The following SENP7 variants were observed in gnomAD, a reference collection of about 807,000 sequenced individuals.
SENP7 encodes the protein SUMO specific peptidase 7.
In SENP7, 64 loss-of-function variants were observed where a neutral mutation model predicts 141.2. The observed-to-expected ratio is 0.45, with a 90% confidence interval of 0.37 to 0.56. The LOEUF (loss-of-function observed/expected upper bound fraction) is 0.56. Among genes scored for constraint, SENP7 ranks in the 20% least tolerant of loss-of-function variants. SENP7 has a pLI of 0.00. For synonymous variants in SENP7, 382 were observed against 426.4 expected (o/e 0.90, Z 1.28); for missense variants, 1,025 against 1,212.2 (o/e 0.85, Z 2.29).
chr3:101,348,739 C>G (rs2059537040), intron 12 of SENP7, among the ~76,000 whole-genome samples: 1 of 151,952 alleles, frequency 6.6e-6, no homozygotes, highest in South Asian at 2.1e-4. Context: ...GTCTTTCTCC[C>G]TCTTAGGGAG....
chr3:101,432,145 G>A (rs2062204888), intron 4 of SENP7, among the ~76,000 whole-genome samples: 1 of 152,192 alleles, frequency 6.6e-6, no homozygotes, highest in South Asian at 2.1e-4. Flanking sequence ...ATTGTAGGTA[G>A]TCTGGCCATA....
Position 101,324,568 on chromosome 3 carries a change from A to T in SENP7, c.*1375T>A, listed in dbSNP as rs1162309936. Reference sequence around the variant, plus strand: ...CTTTATATGAAATATCCAAACAACAAATATATTTAATAATATAAAGATAGT... The same window carrying T: ...CTTTATATGAAATATCCAAACAACATATATATTTAATAATATAAAGATAGT... On this transcript the variant is annotated 3_prime_UTR_variant, in exon 24 of 24. Coordinates refer to ENST00000394095, the MANE Select transcript of SENP7 (RefSeq NM_020654.5). 6.6e-6 allele frequency: 1 copy of T among 152,014 alleles called. No homozygotes were observed. Among genetic ancestry groups the T allele is most frequent in the East Asian group, 1.9e-4 (1 of 5,196 alleles). 9.4% of individuals were successfully genotyped at this position (152,014 alleles called of 1,614,324 possible). A position where few individuals can be genotyped will look rare whatever the true frequency, so the allele number is the denominator to read the frequency against.
intron 4 of SENP7, among the ~76,000 whole-genome samples, chr3:101,422,568 AG>A (rs2061821959): frequency 1.3e-5 from 2 of 152,238 alleles, no homozygotes; most frequent in African/African-American, 2.4e-5. Flanking sequence ...ATACTTAGGT[AG>A]GCTGGTTCCT....
chr3:101,403,745 T>C (rs769881389), intron 5 of SENP7, among the ~76,000 whole-genome samples: 6 of 152,114 alleles, frequency 3.9e-5, no homozygotes, highest in Non-Finnish European at 8.8e-5. Context: ...AAAATCAATG[T>C]ACAAAAATCA....
chr3:101,421,977 G>C (rs543314897), intron 4 of SENP7, among the ~76,000 whole-genome samples: 1 of 152,074 alleles, frequency 6.6e-6, no homozygotes, highest in African/African-American at 2.4e-5. Flanking sequence ...TTAAAGCAGG[G>C]GTCCCCAGCC....
At chr3:101,401,393 G>A (rs182734640) in intron 5 of SENP7, among the ~76,000 whole-genome samples, 84 of 152,102 alleles carry the variant, frequency 5.5e-4, no homozygotes, top group Middle Eastern at 6.8e-3. Context: ...GCCAGGTGTG[G>A]TGGCAGGCAC....
chr3:101,364,989 C>A lies in SENP7; in HGVS notation c.1321G>T (p.Val441Phe). The A allele has an allele frequency of 6.7e-7, 1 of 1,487,870 alleles. No homozygotes were observed. Among genetic ancestry groups the A allele is most frequent in the South Asian group, 1.5e-5 (1 of 67,184 alleles). 92.2% of individuals were successfully genotyped at this position (1,487,870 alleles called of 1,614,324 possible). ...GGTCCTTCTTCATCACTGGAAACAA[C>A]AACTAAAACGGAAAAGAAAAATGTA... ...NQSLISAEPI[V>F]VSSDEEGPVE... Residue 441 changes from valine (V) to phenylalanine (F), a missense_variant and splice_region_variant, in exon 10 of 24, where the codon GTT (valine) becomes TTT (phenylalanine). Physicochemically the swap from Val to Phe is conservative, Grantham distance 50. Transcript: ENST00000394095.
At chr3:101,433,680 C>T (rs1369669315) in intron 4 of SENP7, among the ~76,000 whole-genome samples, 15 of 152,018 alleles carry the variant, frequency 9.9e-5, no homozygotes, top group Non-Finnish European at 2.2e-4. Flanking sequence ...AAATGGGTCA[C>T]TATATAATGA....
At chr3:101,454,655 T>C (rs2063289133) in intron 4 of SENP7, among the ~76,000 whole-genome samples, 1 of 152,106 alleles carries the variant, frequency 6.6e-6, no homozygotes, top group African/African-American at 2.4e-5. Flanking sequence ...ATAAACACAA[T>C]GTGGTATAAA....
intron 1 of SENP7, among the ~76,000 whole-genome samples, chr3:101,502,910 T>C (rs960766655): frequency 7.0e-6 from 1 of 143,290 alleles, no homozygotes; most frequent in African/African-American, 2.7e-5. Context: ...AGTAAGACCC[T>C]GTCTCAGATT....
At chr3:101,393,363 T>A (rs552464217) in intron 6 of SENP7, among the ~76,000 whole-genome samples, 1 of 152,140 alleles carries the variant, frequency 6.6e-6, no homozygotes, top group Non-Finnish European at 1.5e-5. Flanking sequence ...TTAAAAGCTT[T>A]TGTACAACCA....
intron 18 of SENP7, 143 bp from the exon 19 acceptor site, chr3:101,332,252 G>T: frequency 2.6e-6 from 2 of 771,198 alleles, no homozygotes; most frequent in Non-Finnish European, 4.0e-6. Context: ...ATAATATAGA[G>T]CATACATATC....
At chr3:101,386,892 T>C (rs2060668820) in intron 6 of SENP7, among the ~76,000 whole-genome samples, 3 of 152,228 alleles carry the variant, frequency 2.0e-5, no homozygotes, top group Non-Finnish European at 4.4e-5. Flanking sequence ...AAGTGTCTCC[T>C]ACCTGTTGCA....
At chr3:101,376,652 G>T (rs1484814173) in intron 6 of SENP7, among the ~76,000 whole-genome samples, 1 of 151,864 alleles carries the variant, frequency 6.6e-6, no homozygotes, top group Non-Finnish European at 1.5e-5. Flanking sequence ...GGGGAGCGGG[G>T]AGGGATAGCA....
At chr3:101,328,867 G>A (rs140497720) in intron 20 of SENP7, among the ~76,000 whole-genome samples, 178 bp from the exon 21 acceptor site, 2 of 152,142 alleles carry the variant, frequency 1.3e-5, no homozygotes, top group East Asian at 3.9e-4. Context: ...TAAAACAGTA[G>A]GCTATATACT....
At chr3:101,429,986 C>T (rs1181703989) in intron 4 of SENP7, among the ~76,000 whole-genome samples, 2 of 151,916 alleles carry the variant, frequency 1.3e-5, no homozygotes, top group Non-Finnish European at 2.9e-5. Context: ...TGATGGATTA[C>T]GTTTATTGAT....
intron 3 of SENP7, among the ~76,000 whole-genome samples, chr3:101,462,821 T>C (rs1488402147): frequency 2.0e-5 from 3 of 150,792 alleles, no homozygotes; most frequent in African/African-American, 7.3e-5. Flanking sequence ...TGAGCCGAGA[T>C]CATGCCACTG....
intron 16 of SENP7, among the ~76,000 whole-genome samples, chr3:101,339,577 G>T (rs1281441253): frequency 1.3e-5 from 2 of 152,034 alleles, no homozygotes; most frequent in African/African-American, 4.8e-5. Flanking sequence ...AATTAGCCGG[G>T]CGTGGTGGCG....
At chr3:101,366,861 A>T (rs2060051322) in intron 8 of SENP7, 92 bp from the exon 9 acceptor site, 3 of 728,028 alleles carry the variant, frequency 4.1e-6, no homozygotes, top group East Asian at 2.7e-5. Context: ...AAAATATTAT[A>T]TCACTTCTAT....
Sources: gnomAD v4.1 joint callset for allele counts (sites outside exome capture counted in the v4.1 genomes callset) on GRCh38, gnomAD v4.1.1 for gene constraint, MANE v1.5 for transcripts, NCBI Gene and HGNC (gene_info 2026-07-23, HGNC 2026-07-21) for gene names.